Variants in CAMTA1 observed in about 807,000 individuals in gnomAD.
CAMTA1 encodes the protein calmodulin binding transcription activator 1.
CAMTA1 carries 27 observed loss-of-function variants against 170.9 expected under a neutral mutation model. The ratio of observed to expected loss-of-function variants is 0.16; its 90% CI spans 0.12 to 0.22. The LOEUF (loss-of-function observed/expected upper bound fraction) is 0.22, where lower values mean the gene tolerates loss of function less well. CAMTA1 is among the 10% of genes least tolerant of loss of function. The probability of loss-of-function intolerance (pLI) is 1.00; values close to 1 mark genes in which losing one functional copy is unlikely to be tolerated. For missense variants in CAMTA1, 1,619 were observed against 2,217.2 expected (o/e 0.73, Z 5.42); for synonymous variants, 833 against 891.5 (o/e 0.93, Z 1.17).
chr1:6,879,031 T>G (rs957401857), intron 3 of CAMTA1, among the ~76,000 whole-genome samples: 5 of 152,212 alleles, frequency 3.3e-5, no homozygotes, highest in Admixed American at 1.3e-4. Flanking sequence ...GAGAGTAATT[T>G]CTACTTTGCT....
At chr1:6,899,388 TC>T (rs1386536997) in intron 3 of CAMTA1, among the ~76,000 whole-genome samples, 1 of 152,260 alleles carries the variant, frequency 6.6e-6, no homozygotes, top group Non-Finnish European at 1.5e-5. Context: ...TTTGCACAAC[TC>T]CCTGTAGGGC....
intron 5 of CAMTA1, among the ~76,000 whole-genome samples, chr1:7,385,855 G>A (rs2087899077): frequency 6.6e-6 from 1 of 152,184 alleles, no homozygotes; most frequent in Non-Finnish European, 1.5e-5. Context: ...ATTGAAATCC[G>A]AGGCCCTCAC....
intron 1 of CAMTA1, among the ~76,000 whole-genome samples, chr1:6,814,621 A>G (rs1645571731): frequency 1.3e-5 from 2 of 152,190 alleles, no homozygotes; most frequent in Non-Finnish European, 2.9e-5. Context: ...GAGCCATTAT[A>G]CAGTTAGCCT....
Position 7,414,260 on chromosome 1 carries a change from A to T in CAMTA1, c.439-53570A>T, listed in dbSNP as rs554302741. On this transcript the variant is annotated intron_variant, in intron 5 of 22. Coordinates refer to ENST00000303635, the MANE Select transcript of CAMTA1 (RefSeq NM_015215.4). ...TCTGCCAGGCTTTGGTATCAGGATG[A>T]TGCTGGCCTCATAAAATGAGTTAGG... Among the ~76,000 whole-genome samples the T allele has an allele frequency of 6.0e-3, 915 of 152,310 alleles. 8 individuals are homozygous for T. The highest frequency in any genetic ancestry group is 0.021 in the African/African-American group (877 of 41,562).
At position 7,623,766 on chromosome 1, in the gene CAMTA1, G is replaced by A. The variant is rs1027812710; in HGVS notation, c.511-16634G>A. ...GCCCGCCTCGGCCTCCCGAGGTGCTGGGATTACAGAAGCTCTTTTTCAACA... is the reference window on the plus strand; with the variant it reads ...GCCCGCCTCGGCCTCCCGAGGTGCTAGGATTACAGAAGCTCTTTTTCAACA... On this transcript the variant is annotated intron_variant, in intron 6 of 22. Transcript: ENST00000303635. Among the ~76,000 whole-genome samples, 22 of 152,324 alleles carry A rather than the reference G, an allele frequency of 1.4e-4. 1 individual carries two copies. In the East Asian group the frequency reaches 3.9e-3, roughly 27 times the overall value.
intron 6 of CAMTA1, among the ~76,000 whole-genome samples, chr1:7,590,045 C>T (rs1275566097): frequency 6.6e-6 from 1 of 152,192 alleles, no homozygotes; most frequent in African/African-American, 2.4e-5. Flanking sequence ...GAAAGAAGAA[C>T]TTGAGGGCCA....
chr1:7,474,087 G>A (rs781615151), intron 6 of CAMTA1, among the ~76,000 whole-genome samples: 1 of 152,242 alleles, frequency 6.6e-6, no homozygotes, highest in Non-Finnish European at 1.5e-5. Flanking sequence ...TGTGTGGGGT[G>A]GGGTTTAGAC....
intron 6 of CAMTA1, among the ~76,000 whole-genome samples, chr1:7,594,142 G>GGAAGGAAGGAAA (rs1337820980): frequency 1.6e-5 from 2 of 125,572 alleles, no homozygotes; most frequent in African/African-American, 7.5e-5. Flanking sequence ...AAAGAAAGAA[G>GGAAGGAAGGAAA]GAAGGAAGGA....
intron 3 of CAMTA1, among the ~76,000 whole-genome samples, chr1:7,013,886 CTT>C (rs1383935275): frequency 1.3e-5 from 2 of 152,234 alleles, no homozygotes; most frequent in Non-Finnish European, 2.9e-5. Context: ...GACTCCTCTT[CTT>C]CAACCCCAAC....
intron 6 of CAMTA1, among the ~76,000 whole-genome samples, chr1:7,638,298 C>A (rs187107852): frequency 1.6e-4 from 25 of 152,262 alleles, no homozygotes; most frequent in African/African-American, 5.8e-4. Flanking sequence ...TTCCATTGTT[C>A]CCTGCAGCGT....
intron 3 of CAMTA1, among the ~76,000 whole-genome samples, chr1:7,042,828 T>C (rs919240305): frequency 3.9e-5 from 6 of 152,210 alleles, no homozygotes; most frequent in African/African-American, 1.2e-4. Flanking sequence ...CTCTAGGCGT[T>C]TGTTACCTAG....
intron 6 of CAMTA1, among the ~76,000 whole-genome samples, chr1:7,613,919 A>T (rs1040291991): frequency 1.6e-5 from 2 of 127,490 alleles, no homozygotes; most frequent in Non-Finnish European, 3.3e-5. Context: ...AGGTGGGAGG[A>T]GAGAGATGGT....
rs183924950 is a variant in CAMTA1 at position 7,542,900 on chromosome 1, T to C, written c.510+74999T>C. 5.2e-3 allele frequency among the ~76,000 whole-genome samples: 741 copies of C among 143,122 alleles called. 12 individuals carry two copies. The highest frequency in any genetic ancestry group is 0.018 in the African/African-American group (710 of 39,988). The allele number at this position is 143,122 out of a possible 152,430, so 93.9% of individuals were successfully genotyped here. A position where few individuals can be genotyped will look rare whatever the true frequency, so the allele number is the denominator to read the frequency against. ...GTGTGTTTGAGCCGGAGTCTTGCTC[T>C]GTCACACAGGCTGGAGTGCAGTGGC... On this transcript the variant is annotated intron_variant, in intron 6 of 22. Transcript: ENST00000303635.
chr1:6,844,100 T>C (rs901671638), intron 3 of CAMTA1, among the ~76,000 whole-genome samples: 2 of 152,146 alleles, frequency 1.3e-5, no homozygotes, highest in African/African-American at 4.8e-5. Context: ...AGTGAGTAAC[T>C]CTCACAAACA....
rs80276804 is a variant in CAMTA1 at position 7,666,568 on chromosome 1, G to A, written c.2652+1369G>A. Among the ~76,000 whole-genome samples the A allele has an allele frequency of 4.7e-3, 712 of 152,346 alleles. 4 individuals carry two copies. Among genetic ancestry groups the A allele is most frequent in the African/African-American group, 0.016 (658 of 41,584 alleles). On this transcript the variant is annotated intron_variant, in intron 9 of 22. Transcript: ENST00000303635. ...CCAGGCTTTCCCTAAATAACCTAGT[G>A]CAGACAAGCACGTGCATCCTGACCT... is the stretch of plus-strand genomic sequence containing the variant.
At chr1:6,937,500 C>T (rs899272456) in intron 3 of CAMTA1, among the ~76,000 whole-genome samples, 2 of 57,364 alleles carry the variant, frequency 3.5e-5, no homozygotes, top group African/African-American at 1.4e-4. Context: ...CATCATTCAC[C>T]ACTTACTACC....
intron 3 of CAMTA1, among the ~76,000 whole-genome samples, chr1:6,863,608 C>G (rs1412979165): frequency 6.6e-6 from 1 of 152,192 alleles, no homozygotes; most frequent in Non-Finnish European, 1.5e-5. Flanking sequence ...GCGATCAAGT[C>G]AAATTTCAGG....
intron 3 of CAMTA1, among the ~76,000 whole-genome samples, chr1:6,846,651 A>C (rs1658276273): frequency 6.6e-6 from 1 of 152,226 alleles, no homozygotes; most frequent in African/African-American, 2.4e-5. Context: ...ACATGGATTA[A>C]ATTTATAATA....
At chr1:6,929,165 C>T (rs1487838924) in intron 3 of CAMTA1, among the ~76,000 whole-genome samples, 2 of 152,038 alleles carry the variant, frequency 1.3e-5, no homozygotes, top group South Asian at 2.1e-4. Context: ...TTCTTTTCTT[C>T]TCTTTTTGTT....
Sources: allele counts gnomAD v4.1 joint callset (sites outside exome capture counted in the v4.1 genomes callset), GRCh38; gene constraint gnomAD v4.1.1; transcripts MANE v1.5; gene names NCBI Gene and HGNC (gene_info 2026-07-23, HGNC 2026-07-21).